Variants in IL12RB1 observed in about 807,000 individuals in gnomAD.
The protein encoded by IL12RB1 is interleukin-12 receptor subunit beta-1.
A neutral mutation model predicts 94.4 loss-of-function variants in IL12RB1; 64 were observed. The observed-to-expected ratio is 0.68, with a 90% CI of 0.55 to 0.83. The LOEUF (loss-of-function observed/expected upper bound fraction) is 0.83. IL12RB1 is among the 40% of genes least tolerant of loss of function. IL12RB1 has a pLI of 0.00. For synonymous variants in IL12RB1, 362 were observed against 355.5 expected (o/e 1.02, Z -0.21); for missense variants, 814 against 855.6 (o/e 0.95, Z 0.61).
intron 1 of IL12RB1, among the ~76,000 whole-genome samples, chr19:18,092,371 T>A (rs1032128898): frequency 1.3e-5 from 2 of 151,640 alleles, no homozygotes; most frequent in Admixed American, 6.6e-5. Flanking sequence ...CTGTCTGTAA[T>A]CCCAGCTACT....
chr19:18,059,975 C>G lies in IL12RB1; in HGVS notation c.1902G>C (p.Lys634Asn). Residue 634 changes from lysine to asparagine, a missense_variant, in exon 16 of 17, where the codon AAG becomes AAC. Transcript: ENST00000593993. ...DKGERTEPLE[K>N]TELPEGAPEL... ...CAGGGGCACCCTCAGGTAGCTCTGT[C>G]TTCTCGAGAGGCTCAGTCCTCTCGC... is the stretch of plus-strand genomic sequence containing the variant. The G allele has an allele frequency of 6.2e-7, 1 of 1,600,748 alleles. No individual in the cohort carries two copies. The highest frequency in any genetic ancestry group is 8.5e-7 in the Non-Finnish European group (1 of 1,172,694).
intron 1 of IL12RB1, among the ~76,000 whole-genome samples, chr19:18,093,213 G>A (rs566847503): frequency 5.1e-4 from 77 of 152,064 alleles, no homozygotes; most frequent in Admixed American, 1.3e-3. Flanking sequence ...GCTGAGCGCA[G>A]GAGAATTGCT....
At chr19:18,098,268 C>T (rs765717103) in intron 1 of IL12RB1, among the ~76,000 whole-genome samples, 1 of 152,154 alleles carries the variant, frequency 6.6e-6, no homozygotes, top group Non-Finnish European at 1.5e-5. Context: ...AGCCCTACGA[C>T]GACCTGGGGA....
At chr19:18,068,810 G>A (rs992468975) in intron 10 of IL12RB1, among the ~76,000 whole-genome samples, 1 of 147,866 alleles carries the variant, frequency 6.8e-6, no homozygotes, top group Non-Finnish European at 1.5e-5. Flanking sequence ...GTGCAATAGC[G>A]CAATCTTGAC....
intron 2 of IL12RB1, 70 bp from the exon 3 acceptor site, chr19:18,082,334 T>C (rs2035974664): frequency 2.3e-6 from 2 of 856,488 alleles, no homozygotes; most frequent in African/African-American, 3.3e-5. Context: ...AGACAAATCT[T>C]TGTGATGCTT....
intron 1 of IL12RB1, among the ~76,000 whole-genome samples, chr19:18,085,558 T>C (rs930546724): frequency 6.6e-6 from 1 of 151,892 alleles, no homozygotes; most frequent in Non-Finnish European, 1.5e-5. Context: ...TCAAGAGCCA[T>C]TGAAAAAGTC....
intron 1 of IL12RB1, among the ~76,000 whole-genome samples, chr19:18,092,393 G>C (rs1355552139): frequency 6.6e-6 from 1 of 151,882 alleles, no homozygotes; most frequent in Non-Finnish European, 1.5e-5. Context: ...GGGAGGCTGA[G>C]GCAAGAGAAT....
intron 1 of IL12RB1, among the ~76,000 whole-genome samples, chr19:18,096,513 G>A (rs1302497487): frequency 6.6e-6 from 1 of 152,058 alleles, no homozygotes. Flanking sequence ...CAAGGACAAG[G>A]GTCTGATCAT....
At chr19:18,089,271 A>G (rs920728358), upstream of IL12RB1, among the ~76,000 whole-genome samples, 2 of 152,096 alleles carry the variant, frequency 1.3e-5, no homozygotes, top group African/African-American at 4.8e-5. Flanking sequence ...GGAACCAGAT[A>G]GAGGTGGTGG....
At position 18,059,340 on chromosome 19, in the gene IL12RB1, C is replaced by T. The variant is rs926770818; in HGVS notation, c.*268G>A. On this transcript the variant is annotated 3_prime_UTR_variant, in exon 17 of 17. Coordinates refer to ENST00000593993, the MANE Select transcript of IL12RB1 (RefSeq NM_005535.3). ...GGGATCCATCTGAGCCCCCCTTGCCCCCATTCCCAGTCCATTCTACGCCAG... is the reference window on the plus strand; with the variant it reads ...GGGATCCATCTGAGCCCCCCTTGCCTCCATTCCCAGTCCATTCTACGCCAG... 1.0e-5 allele frequency: 6 copies of T among 572,466 alleles called. No individual in the cohort carries two copies. Among genetic ancestry groups the T allele is most frequent in the African/African-American group, 9.4e-5 (5 of 53,358 alleles). The allele number at this position is 572,466 out of a possible 1,614,324, so 35.5% of individuals were successfully genotyped here.
rs1476445767 is a variant in IL12RB1, at chr19:18,068,513, C to G, written c.1203G>C (p.Trp401Cys). 1 of 1,612,886 alleles carries G rather than the reference C, an allele frequency of 6.2e-7. No homozygotes were observed. The highest frequency in any genetic ancestry group is 1.7e-5 in the Admixed American group (1 of 59,974). The part of the protein sequence containing the change: ...PDPAGMATYS[W>C]SRESGAMGQE... ...GCCCCATTGCCCCAGACTCTCGACT[C>G]CAGCTGTAGGTTGCTGGAAGGATAA... is the stretch of plus-strand genomic sequence containing the variant. The change falls in exon 11 of 17, where the codon TGG becomes TGC. Residue 401 changes from tryptophan (W) to cysteine (C), a missense_variant. By Grantham distance (215) the Trp-to-Cys change is radical. Transcript: ENST00000593993.
intron 1 of IL12RB1, among the ~76,000 whole-genome samples, chr19:18,085,427 G>A (rs1048566804): frequency 7.1e-5 from 10 of 141,378 alleles, no homozygotes; most frequent in Non-Finnish European, 1.2e-4. Flanking sequence ...AGGATACCTC[G>A]TGGGCTGCCT....
In IL12RB1 at chr19:18,077,650, A is replaced by C; in HGVS notation, c.415T>G (p.Tyr139Asp). ...VTLQLYNSVKYEPPLGDIKVS... is the reference protein window; with the variant it reads ...VTLQLYNSVKDEPPLGDIKVS... The stretch of plus-strand genomic sequence containing the variant: ...TTGATGTCTCCCAGAGGAGGCTCAT[A>C]TTTAACTGGAAGCAGAGGTAGGGAT... Residue 139 changes from tyrosine to aspartate, a missense_variant, in exon 5 of 17, where the codon TAT (tyrosine) becomes GAT (aspartate). By Grantham distance (160) the Tyr-to-Asp change is radical. Transcript: ENST00000593993. 1 of 1,589,922 alleles carries C rather than the reference A, an allele frequency of 6.3e-7. No individual in the cohort carries two copies. Among genetic ancestry groups the C allele is most frequent in the Non-Finnish European group, 8.6e-7 (1 of 1,157,930 alleles).
At position 18,077,607 on chromosome 19, in the gene IL12RB1, C is replaced by A. The variant is rs1193767696; in HGVS notation, c.458G>T (p.Gly153Val). The A allele has an allele frequency of 1.3e-6, 2 of 1,598,232 alleles. No homozygotes were observed. The highest frequency in any genetic ancestry group is 2.7e-5 in the African/African-American group (2 of 74,602). ...GGTCTCCCACTCCATACGCAGCTGC[C>A]CGGCCAACTTGGACACCTTGATGTC... is the stretch of plus-strand genomic sequence containing the variant. ...LGDIKVSKLA[G>V]QLRMEWETPD... The change falls in exon 5 of 17, where the codon GGG (glycine) becomes GTG (valine). Residue 153 changes from glycine (G) to valine (V), a missense_variant. Physicochemically the swap from Gly to Val is moderately radical, Grantham distance 109 (BLOSUM62 -3). Coordinates refer to ENST00000593993, the MANE Select transcript of IL12RB1 (RefSeq NM_005535.3).
intron 14 of IL12RB1, 100 bp downstream of exon 14, chr19:18,062,081 G>T: frequency 2.6e-6 from 2 of 782,124 alleles, no homozygotes; most frequent in Non-Finnish European, 2.2e-6. Flanking sequence ...TATTTCCTGG[G>T]CAAAGCCAAG....
Position 18,081,389 on chromosome 19 carries a change from C to G in IL12RB1, c.240-388G>C, listed in dbSNP as rs566780650. Among the ~76,000 whole-genome samples the G allele has an allele frequency of 2.6e-5, 4 of 151,412 alleles. No homozygotes were observed. The South Asian group carries it at 8.5e-4, about 32-fold the overall frequency. ...GGGATTACAAGCGTGAGCCACCGTG[C>G]CCAGCCCCCAGCATCCTTTTCTGTC... On this transcript the variant is annotated intron_variant, in intron 3 of 16. Coordinates refer to ENST00000593993, the MANE Select transcript of IL12RB1 (RefSeq NM_005535.3).
In IL12RB1 at chr19:18,072,333, A is replaced by G. The variant is rs200508693; in HGVS notation, c.800T>C (p.Leu267Pro). 6 of 1,613,750 alleles carry G rather than the reference A, an allele frequency of 3.7e-6. No individual in the cohort carries two copies. In the Admixed American group the frequency reaches 1.0e-4, roughly 27 times the overall value. ...TLKEQPTQLE[L>P]PEGCQGLAPG... is the part of the protein sequence containing the mutation. ...CGCCAGCCCTTGACAGCCTTCTGGA[A>G]GCTCCAGCTGGGTTGGCTGTCAGGA... Residue 267 changes from leucine (L) to proline (P), a missense_variant, in exon 9 of 17, where the codon CTT becomes CCT. Leu to Pro is a moderately conservative substitution (Grantham distance 98, BLOSUM62 -3). Transcript: ENST00000593993.
chr19:18,072,426 C>T lies in IL12RB1; in HGVS notation c.784-77G>A, dbSNP rs1050871823. The stretch of plus-strand genomic sequence containing the variant: ...CCATAGGCAGACAGCAGGGCACAGC[C>T]TATGAAGACAGACTTGGACAAAGGC... On this transcript the variant is annotated intron_variant, in intron 8 of 16. Transcript: ENST00000593993. 5.4e-6 allele frequency: 5 copies of T among 923,750 alleles called. No homozygotes were observed. In the African/African-American group the frequency reaches 8.1e-5, roughly 15 times the overall value. The allele number at this position is 923,750 out of a possible 1,614,324, so 57.2% of individuals were successfully genotyped here. A position where few individuals can be genotyped will look rare whatever the true frequency, so the allele number is the denominator to read the frequency against.
At chr19:18,073,672 A>G in intron 7 of IL12RB1, 73 bp from the exon 8 acceptor site, 1 of 921,656 alleles carries the variant, frequency 1.1e-6, no homozygotes. Context: ...TTTGTAAATG[A>G]TGGATTCTCC....
Sources: allele counts gnomAD v4.1 joint callset (sites outside exome capture counted in the v4.1 genomes callset), GRCh38; gene constraint gnomAD v4.1.1; transcripts MANE v1.5; gene names NCBI Gene and HGNC (gene_info 2026-07-23, HGNC 2026-07-21).